ERI3: variants seen among roughly 807,000 people sequenced by gnomAD.
ERI3 encodes ERI1 exoribonuclease 3.
Under a neutral mutation model 44.4 loss-of-function variants are expected in ERI3, and 18 were observed. That is an observed-to-expected ratio of 0.41 (90% confidence interval 0.28 to 0.60). The LOEUF is 0.60. Ranked by LOEUF, ERI3 falls within the 20% of genes least tolerant of loss-of-function variation. The pLI is 0.36. For missense variants in ERI3, 294 were observed against 435.5 expected (o/e 0.68, Z 2.89); for synonymous variants, 183 against 164.8 (o/e 1.11, Z -0.84).
chr1:44,277,258 C>G (rs578118152), intron 7 of ERI3, among the ~76,000 whole-genome samples: 1 of 152,200 alleles, frequency 6.6e-6, no homozygotes, highest in South Asian at 2.1e-4. Context: ...GAGCCAATTT[C>G]AAGAGCCTAG....
chr1:44,244,732 C>A (rs1340073353), intron 8 of ERI3, among the ~76,000 whole-genome samples: 1 of 152,026 alleles, frequency 6.6e-6, no homozygotes, highest in Non-Finnish European at 1.5e-5. Flanking sequence ...CATGTAACTC[C>A]CCTGCCCAAA....
At chr1:44,222,578 G>T (rs776653920) in intron 8 of ERI3, among the ~76,000 whole-genome samples, 2 of 152,172 alleles carry the variant, frequency 1.3e-5, no homozygotes, top group Non-Finnish European at 2.9e-5. Context: ...CATGGGCCAG[G>T]ATTTGTTTCA....
At chr1:44,287,839 G>C (rs58425719) in intron 6 of ERI3, among the ~76,000 whole-genome samples, 5,364 of 152,286 alleles carry the variant, frequency 0.035, 271 homozygotes, top group African/African-American at 0.11. Context: ...TATGAGTGAA[G>C]GGGGCCACCA....
chr1:44,295,309 C>G (rs901298443), intron 6 of ERI3, among the ~76,000 whole-genome samples: 3 of 152,316 alleles, frequency 2.0e-5, no homozygotes, highest in Admixed American at 1.3e-4. Context: ...AAAAAAAATA[C>G]TACCATTCCA....
intron 4 of ERI3, among the ~76,000 whole-genome samples, chr1:44,314,148 T>A (rs1472454190): frequency 1.8e-5 from 2 of 113,936 alleles, no homozygotes; most frequent in South Asian, 7.5e-4. Context: ...TTTTTTAAAG[T>A]GTGTTGGGGG....
intron 7 of ERI3, among the ~76,000 whole-genome samples, chr1:44,274,295 C>T (rs960276747): frequency 6.6e-6 from 1 of 152,204 alleles, no homozygotes. Flanking sequence ...AGGAGCGGCG[C>T]GCTTTATGGG....
At chr1:44,233,996 GCT>G (rs1644246892) in intron 8 of ERI3, among the ~76,000 whole-genome samples, 1 of 152,130 alleles carries the variant, frequency 6.6e-6, no homozygotes, top group Admixed American at 6.5e-5. Flanking sequence ...ACTCCTTGAA[GCT>G]CTCTTCCCTA....
intron 2 of ERI3, among the ~76,000 whole-genome samples, chr1:44,344,455 G>C (rs773914714): frequency 6.6e-6 from 1 of 151,976 alleles, no homozygotes; most frequent in Non-Finnish European, 1.5e-5. Flanking sequence ...CTATCCAGCC[G>C]AGTTTCCATC....
At chr1:44,354,404 A>G in intron 1 of ERI3, 1 of 985,342 alleles carries the variant, frequency 1.0e-6, no homozygotes, top group Non-Finnish European at 1.2e-6. Flanking sequence ...AAGAACTCGC[A>G]GTCAAGCCTC....
intron 7 of ERI3, among the ~76,000 whole-genome samples, chr1:44,283,489 A>G (rs530781532): frequency 6.6e-6 from 1 of 152,348 alleles, no homozygotes; most frequent in Admixed American, 6.5e-5. Flanking sequence ...GGCAGGGAAT[A>G]TGTCTGATGA....
At chr1:44,290,420 T>A (rs1443580207) in intron 6 of ERI3, among the ~76,000 whole-genome samples, 1 of 152,206 alleles carries the variant, frequency 6.6e-6, no homozygotes, top group Non-Finnish European at 1.5e-5. Flanking sequence ...CTTGCTTCCA[T>A]GCAGAGTTGC....
chr1:44,301,654 T>G (rs897382703), intron 6 of ERI3, among the ~76,000 whole-genome samples: 3 of 152,202 alleles, frequency 2.0e-5, no homozygotes, highest in Non-Finnish European at 4.4e-5. Flanking sequence ...CGATCCACTA[T>G]GCTGAACCCC....
chr1:44,261,526 T>C (rs1416308513), intron 7 of ERI3, among the ~76,000 whole-genome samples: 1 of 151,976 alleles, frequency 6.6e-6, no homozygotes, highest in Non-Finnish European at 1.5e-5. Flanking sequence ...GTCCCCATAA[T>C]AGAGAGAGCT....
At chr1:44,275,404 C>T (rs143997820) in intron 7 of ERI3, among the ~76,000 whole-genome samples, 108 of 152,268 alleles carry the variant, frequency 7.1e-4, no homozygotes, top group African/African-American at 2.5e-3. Flanking sequence ...CTGCTATGGC[C>T]CCCAGCAAAG....
At chr1:44,328,646 A>C (rs997530641) in intron 3 of ERI3, among the ~76,000 whole-genome samples, 1 of 152,194 alleles carries the variant, frequency 6.6e-6, no homozygotes, top group Non-Finnish European at 1.5e-5. Flanking sequence ...GGCCGGCATG[A>C]CATTCTGCAT....
At chr1:44,353,075 A>C (rs918760711) in intron 1 of ERI3, 150 bp from the exon 2 acceptor site, 3 of 1,463,768 alleles carry the variant, frequency 2.0e-6, no homozygotes, top group African/African-American at 2.8e-5. Context: ...AGCTTTCAGA[A>C]ACTATTAGTA....
intron 2 of ERI3, among the ~76,000 whole-genome samples, chr1:44,351,596 T>G (rs948550020): frequency 6.6e-6 from 1 of 152,192 alleles, no homozygotes; most frequent in South Asian, 2.1e-4. Context: ...GCCTAAATAT[T>G]TACTATCTTA....
At chr1:44,249,774 G>A (rs919904382) in intron 7 of ERI3, among the ~76,000 whole-genome samples, 5 of 152,150 alleles carry the variant, frequency 3.3e-5, no homozygotes, top group Admixed American at 6.5e-5. Context: ...CAGAGGAGCC[G>A]CTGAGCCTGG....
rs868596483 is a variant in ERI3 at position 44,248,704 on chromosome 1, T to A, written c.832-666A>T. ...GTGTATGTATGTGTGTGAGAGAGAG[T>A]GTGTGTGTGTGTGTGTGTGTGTGGT... On this transcript the variant is annotated intron_variant, in intron 7 of 8. Transcript: ENST00000372257. 8.4e-4 allele frequency among the ~76,000 whole-genome samples: 120 copies of A among 142,930 alleles called. No homozygotes were observed. In the South Asian group the frequency reaches 9.5e-3, roughly 11 times the overall value. The allele number at this position is 142,930 out of a possible 152,430, so 93.8% of individuals were successfully genotyped here.
Sources: allele counts gnomAD v4.1 joint callset (sites outside exome capture counted in the v4.1 genomes callset), GRCh38; gene constraint gnomAD v4.1.1; transcripts MANE v1.5; gene names NCBI Gene and HGNC (gene_info 2026-07-23, HGNC 2026-07-21).